The following SUGCT variants were observed in gnomAD, a reference collection of about 807,000 sequenced individuals.
SUGCT encodes succinyl-CoA:glutarate-CoA transferase.
In SUGCT, 41 loss-of-function variants were observed where a neutral mutation model predicts 55.0. The ratio of observed to expected loss-of-function variants is 0.74; its 90% CI spans 0.58 to 0.97. The LOEUF (loss-of-function observed/expected upper bound fraction) is 0.97, where lower values mean the gene tolerates loss of function less well. Ranked by LOEUF, SUGCT falls within the 50% of genes least tolerant of loss-of-function variation. The probability of loss-of-function intolerance (pLI) is 0.00; values close to 1 mark genes in which losing one functional copy is unlikely to be tolerated. For synonymous variants in SUGCT, 187 were observed against 200.4 expected (o/e 0.93, Z 0.56); for missense variants, 568 against 547.8 (o/e 1.04, Z -0.37).
the SUGCT span, among the ~76,000 whole-genome samples, chr7:40,946,448 A>G: frequency 6.6e-6 from 1 of 152,172 alleles, no homozygotes. Flanking sequence ...AAGAAGGAGT[A>G]CAACTGCCTC....
chr7:40,534,201 A>G (rs534875495), intron 12 of SUGCT, among the ~76,000 whole-genome samples: 1 of 152,244 alleles, frequency 6.6e-6, no homozygotes, highest in South Asian at 2.1e-4. Flanking sequence ...GTTTTTGTCT[A>G]TTGCCTGTAA....
the SUGCT span, among the ~76,000 whole-genome samples, chr7:40,910,727 C>T: frequency 2.4e-4 from 37 of 152,148 alleles, no homozygotes; most frequent in Admixed American, 1.0e-3. Flanking sequence ...ACCCCATGTT[C>T]CCCTTTATGG....
At chr7:40,816,226 A>T (rs1373701413) in intron 13 of SUGCT, among the ~76,000 whole-genome samples, 1 of 152,214 alleles carries the variant, frequency 6.6e-6, no homozygotes, top group Non-Finnish European at 1.5e-5. Flanking sequence ...CTGGTCCAAG[A>T]CTAAAATACC....
chr7:40,487,944 A>G (rs6462983), intron 11 of SUGCT, among the ~76,000 whole-genome samples: 39,911 of 151,866 alleles, frequency 0.26, 7,013 homozygotes, highest in African/African-American at 0.5. Context: ...AAGAGAAAGA[A>G]AAGAAAACCA....
the SUGCT span, among the ~76,000 whole-genome samples, chr7:40,931,830 T>C: frequency 6.6e-6 from 1 of 152,216 alleles, no homozygotes; most frequent in Non-Finnish European, 1.5e-5. Flanking sequence ...CTTATTAGTC[T>C]TGCTAGCAGT....
At chr7:40,695,118 C>T (rs535191656) in intron 12 of SUGCT, among the ~76,000 whole-genome samples, 3 of 152,208 alleles carry the variant, frequency 2.0e-5, no homozygotes, top group Middle Eastern at 6.8e-3. Flanking sequence ...CTTAGACTTT[C>T]ACCATTTTAA....
rs184172507 is a variant in SUGCT, at chr7:40,254,993, G to A, written c.576+17267G>A. On this transcript the variant is annotated intron_variant, in intron 7 of 13. Coordinates refer to ENST00000335693, the MANE Select transcript of SUGCT (RefSeq NM_001193313.2). ...CAGCACTTTGGGAGGCCAAGGTGGG[G>A]CGGGGGGAGCATCATCTGAGGTCGG... Among the ~76,000 whole-genome samples the A allele has an allele frequency of 2.5e-3, 371 of 151,068 alleles. 1 individual carries two copies. Among genetic ancestry groups the A allele is most frequent in the Admixed American group, 4.0e-3 (60 of 15,180 alleles).
chr7:40,985,580 G>C, the SUGCT span, among the ~76,000 whole-genome samples: 39 of 152,280 alleles, frequency 2.6e-4, no homozygotes, highest in Admixed American at 1.7e-3. Flanking sequence ...GTGTTTGAAG[G>C]CTGAAGGGTA....
chr7:41,016,500 T>A, the SUGCT span, among the ~76,000 whole-genome samples: 1 of 152,134 alleles, frequency 6.6e-6, no homozygotes, highest in African/African-American at 2.4e-5. Flanking sequence ...AAACTCAAAT[T>A]TGCTACCCCG....
rs991803789 is a variant in SUGCT at position 40,227,160 on chromosome 7, C to T, written c.485-10475C>T. Among the ~76,000 whole-genome samples the T allele has an allele frequency of 1.3e-4, 20 of 149,232 alleles. 1 individual carries two copies. In the Admixed American group the frequency reaches 1.4e-3, roughly 10 times the overall value. On this transcript the variant is annotated intron_variant, in intron 6 of 13. Transcript: ENST00000335693. ...CTCCTGGGTTCAAGTGATTCTCCTG[C>T]CTCAGCCTCCCAAGTAGCTGAGACT...
intron 12 of SUGCT, among the ~76,000 whole-genome samples, chr7:40,497,700 G>A (rs1014378266): frequency 1.3e-5 from 2 of 152,070 alleles, no homozygotes; most frequent in African/African-American, 4.8e-5. Context: ...TGAAGCTGTC[G>A]TGTATTGAGG....
chr7:40,435,729 C>T (rs1217026066), intron 9 of SUGCT, among the ~76,000 whole-genome samples: 2 of 151,972 alleles, frequency 1.3e-5, no homozygotes. Context: ...GTTCCTGTCC[C>T]TCCACGCTTT....
At chr7:40,836,962 AG>A (rs1166083333) in intron 13 of SUGCT, among the ~76,000 whole-genome samples, 1 of 152,166 alleles carries the variant, frequency 6.6e-6, no homozygotes, top group African/African-American at 2.4e-5. Context: ...TTAGGTGTAC[AG>A]TTGCTATATC....
intron 12 of SUGCT, among the ~76,000 whole-genome samples, chr7:40,676,504 GT>G (rs70990639): frequency 0.24 from 31,320 of 128,884 alleles, 4,850 homozygotes; most frequent in African/African-American, 0.51. Context: ...TTTGTTTTTT[GT>G]TTTTTTTTTT....
the SUGCT span, among the ~76,000 whole-genome samples, chr7:40,898,572 A>G: frequency 1.3e-5 from 2 of 151,220 alleles, no homozygotes; most frequent in Non-Finnish European, 3.0e-5. Context: ...AAATACAAAA[A>G]ATTATTTTGG....
the SUGCT span, among the ~76,000 whole-genome samples, chr7:40,898,449 T>C: frequency 6.1e-5 from 7 of 113,906 alleles, no homozygotes; most frequent in Non-Finnish European, 1.2e-4. Context: ...GCATTGGGGC[T>C]CACGCCTGTA....
intron 8 of SUGCT, among the ~76,000 whole-genome samples, chr7:40,283,987 C>G (rs901436639): frequency 6.6e-6 from 1 of 152,066 alleles, no homozygotes; most frequent in Non-Finnish European, 1.5e-5. Flanking sequence ...TGAAGAAAAT[C>G]CTGTCATTTG....
chr7:40,313,669 G>A (rs1795280940), intron 8 of SUGCT, among the ~76,000 whole-genome samples: 1 of 151,322 alleles, frequency 6.6e-6, no homozygotes, highest in Admixed American at 6.6e-5. Context: ...AGACTCTGTT[G>A]CTGAGGCTGG....
chr7:40,365,767 C>A (rs972785971), intron 9 of SUGCT, among the ~76,000 whole-genome samples: 5 of 151,926 alleles, frequency 3.3e-5, no homozygotes, highest in African/African-American at 1.2e-4. Flanking sequence ...TAAAAGAGGA[C>A]ACAAACAAAT....
Sources: gnomAD v4.1 joint callset for allele counts (sites outside exome capture counted in the v4.1 genomes callset) on GRCh38, gnomAD v4.1.1 for gene constraint, MANE v1.5 for transcripts, NCBI Gene and HGNC (gene_info 2026-07-23, HGNC 2026-07-21) for gene names.